The following ABHD17A variants were observed in gnomAD, a reference collection of about 807,000 sequenced individuals.
ABHD17A encodes the protein alpha/beta hydrolase domain-containing protein 17A.
In ABHD17A, 10 loss-of-function variants were observed where a neutral mutation model predicts 26.8. That is an observed-to-expected ratio of 0.37 (90% confidence interval 0.23 to 0.63). The LOEUF is 0.63. Ranked by LOEUF, ABHD17A falls within the 30% of genes least tolerant of loss-of-function variation. ABHD17A has a pLI of 0.61. For missense variants in ABHD17A, 292 were observed against 457.3 expected (o/e 0.64, Z 3.30); for synonymous variants, 167 against 210.9 (o/e 0.79, Z 1.80).
rs553702828 is a variant in ABHD17A at position 1,881,710 on chromosome 19, C to T, written c.-144G>A. ...CCCAGCTACCGCCCCAGACAGCAGC[C>T]CCGTTAGGAGGCCAGGGCCCAGCCC... On this transcript the variant is annotated 5_prime_UTR_variant, in exon 2 of 5. Transcript: ENST00000292577. 1.3e-5 allele frequency: 16 copies of T among 1,234,702 alleles called. No individual in the cohort carries two copies. Among genetic ancestry groups the T allele is most frequent in the Middle Eastern group, 2.9e-4 (1 of 3,410 alleles). 76.5% of individuals were successfully genotyped at this position (1,234,702 alleles called of 1,614,324 possible). A position where few individuals can be genotyped will look rare whatever the true frequency, so the allele number is the denominator to read the frequency against.
chr19:1,878,441 A>G (rs2012433918), intron 3 of ABHD17A: 1 of 152,704 alleles, frequency 6.5e-6, no homozygotes, highest in Non-Finnish European at 1.5e-5. Flanking sequence ...CCTCGTGCCC[A>G]GTCCCAAGCA....
chr19:1,877,112 G>A lies in ABHD17A; in HGVS notation c.*88C>T, dbSNP rs1413948906. On this transcript the variant is annotated 3_prime_UTR_variant, in exon 5 of 5. Transcript: ENST00000292577. ...CGGGGTCCCCTGGGCCGCCCGGGGG[G>A]TCCACATGCAGCCCCTGGGTGGGGG... is the stretch of plus-strand genomic sequence containing the variant. 2.8e-4 allele frequency: 367 copies of A among 1,328,552 alleles called. No individual in the cohort carries two copies. The highest frequency in any genetic ancestry group is 3.5e-4 in the Non-Finnish European group (346 of 977,570). The allele number at this position is 1,328,552 out of a possible 1,614,324, so 82.3% of individuals were successfully genotyped here.
At position 1,877,321 on chromosome 19, in the gene ABHD17A, G is replaced by A. The variant is rs2012389127; in HGVS notation, c.812C>T (p.Pro271Leu). 1 of 1,532,338 alleles carries A rather than the reference G, an allele frequency of 6.5e-7. No homozygotes were observed. The highest frequency in any genetic ancestry group is 1.4e-5 in the African/African-American group (1 of 73,156). 94.9% of individuals were successfully genotyped at this position (1,532,338 alleles called of 1,614,324 possible). A position where few individuals can be genotyped will look rare whatever the true frequency, so the allele number is the denominator to read the frequency against. Residue 271 changes from proline to leucine, a missense_variant, in exon 5 of 5, where the codon CCC (proline) becomes CTC (leucine). Around this residue, in one of 4 missense-constraint regions of ABHD17A, gnomAD observed 88 missense variants for 134.3 expected, o/e 0.66. Coordinates refer to ENST00000292577, the MANE Select transcript of ABHD17A (RefSeq NM_001130111.2). Reference protein sequence around the residue: ...SHGLALYERCPKAVEPLWVEG... With the variant: ...SHGLALYERCLKAVEPLWVEG... ...CACCCACAGCGGCTCCACCGCCTTG[G>A]GGCAGCGCTCGTAGAGCGCCAGCCC... is the stretch of plus-strand genomic sequence containing the variant.
In ABHD17A at chr19:1,877,035, A is replaced by T; in HGVS notation, c.*165T>A. 1 of 585,336 alleles carries T rather than the reference A, an allele frequency of 1.7e-6. No individual in the cohort carries two copies. The highest frequency in any genetic ancestry group is 3.1e-5 in the Admixed American group (1 of 32,628). 36.3% of individuals were successfully genotyped at this position (585,336 alleles called of 1,614,324 possible). On this transcript the variant is annotated 3_prime_UTR_variant, in exon 5 of 5. Transcript: ENST00000292577. ...ATTTTCTTCTTGCTTCCAAAAGGAA[A>T]GGAGTGCGTAGCTCTGTTGCCTGTA...
chr19:1,881,460 G>C lies in ABHD17A; in HGVS notation c.107C>G (p.Ser36Cys), dbSNP rs562946474. ...CCCCGGCTCGGGCTCAGGCACCAGGGAGTAGGTGGCCTCCGGCGGCAGGAA... is the reference window on the plus strand; with the variant it reads ...CCCCGGCTCGGGCTCAGGCACCAGGCAGTAGGTGGCCTCCGGCGGCAGGAA... The part of the protein sequence containing the change: ...LAFLPPEATY[S>C]LVPEPEPGPG... The change falls in exon 2 of 5, where the codon TCC becomes TGC. Residue 36 changes from serine to cysteine, a missense_variant. Ser to Cys is a moderately radical substitution (Grantham distance 112, BLOSUM62 -1). This residue lies in a region of ABHD17A where 171 missense variants were observed against 216.1 expected (regional missense o/e 0.79). Coordinates refer to ENST00000292577, the MANE Select transcript of ABHD17A (RefSeq NM_001130111.2). The C allele has an allele frequency of 5.0e-6, 8 of 1,602,464 alleles. No homozygotes were observed. The highest frequency in any genetic ancestry group is 6.8e-6 in the Non-Finnish European group (8 of 1,178,186).
In ABHD17A at chr19:1,880,016, G is replaced by C; in HGVS notation, c.432C>G (p.Ser144=). Residue 144 remains serine, a synonymous_variant, in exon 3 of 5, where the codon TCC becomes TCG. Transcript: ENST00000292577. This position sits in a 1 kb window ranked among gnomAD's most constrained non-coding sequence, Gnocchi z 4.1. Reference sequence around the variant, plus strand: ...TGGCACCGTAGCCGGAGTAGTCGTAGGAGAAGATGTTGCAGTGGAGGCGGG... The same window carrying C: ...TGGCACCGTAGCCGGAGTAGTCGTACGAGAAGATGTTGCAGTGGAGGCGGG... ...LGSRLHCNIF[S]YDYSGYGASS... 1 of 1,613,270 alleles carries C rather than the reference G, an allele frequency of 6.2e-7. No individual in the cohort carries two copies. Among genetic ancestry groups the C allele is most frequent in the African/African-American group, 1.3e-5 (1 of 75,080 alleles).
rs368760498 is a variant in ABHD17A at position 1,881,510 on chromosome 19, G to A, written c.57C>T (p.Pro19=). 84 of 1,603,948 alleles carry A rather than the reference G, an allele frequency of 5.2e-5. No individual in the cohort carries two copies. The highest frequency in any genetic ancestry group is 6.7e-5 in the East Asian group (3 of 44,816). The change falls in exon 2 of 5, where the codon CCC becomes CCT. Residue 19 remains proline (P), a synonymous_variant. Coordinates refer to ENST00000292577, the MANE Select transcript of ABHD17A (RefSeq NM_001130111.2). ...AGGCGAGCTTGGCAGCGATGCGGCC[G>A]GGGCAGGGCGGGCAGCAGAAGAGGC... ...LCCLFCCPPC[P]GRIAAKLAFL...
rs1164295463 is a variant in ABHD17A, at chr19:1,877,349, G to T, written c.784C>A (p.His262Asn). 2.6e-6 allele frequency: 4 copies of T among 1,541,678 alleles called. No individual in the cohort carries two copies. In the South Asian group the frequency reaches 4.7e-5, roughly 18 times the overall value. The part of the protein sequence containing the change: ...GTEDEVIDFS[H>N]GLALYERCPK... ...CAGCGCTCGTAGAGCGCCAGCCCGTGCGAGAAGTCGATCACCTCGTCCTCC... is the reference window on the plus strand; with the variant it reads ...CAGCGCTCGTAGAGCGCCAGCCCGTTCGAGAAGTCGATCACCTCGTCCTCC... Residue 262 changes from histidine to asparagine, a missense_variant, in exon 5 of 5, where the codon CAC (histidine) becomes AAC (asparagine). Coordinates refer to ENST00000292577, the MANE Select transcript of ABHD17A (RefSeq NM_001130111.2).
chr19:1,880,845 GC>G lies in ABHD17A; in HGVS notation c.332+389del. On this transcript the variant is annotated intron_variant, in intron 2 of 4. Transcript: ENST00000292577. The surrounding 1 kb of genome is among the most constrained non-coding windows in gnomAD (Gnocchi z 4.1). ...TTCCCCCAGGCCCCCACCTAGCCCA[GC>G]CAGAAGGTAAAGGCTCGCCCTCTGG... 6.2e-7 allele frequency: 1 copy of G among 1,607,218 alleles called. No homozygotes were observed. The highest frequency in any genetic ancestry group is 8.5e-7 in the Non-Finnish European group (1 of 1,176,134).
In ABHD17A at chr19:1,877,118, A is replaced by C. The variant is rs1056494685; in HGVS notation, c.*82T>G. ...CCCCTGGGCCGCCCGGGGGGTCCAC[A>C]TGCAGCCCCTGGGTGGGGGCCGGCG... On this transcript the variant is annotated 3_prime_UTR_variant, in exon 5 of 5. Transcript: ENST00000292577. The C allele has an allele frequency of 2.6e-5, 36 of 1,391,432 alleles. No individual in the cohort carries two copies. The African/African-American group carries it at 3.4e-4, about 13-fold the overall frequency. 86.2% of individuals were successfully genotyped at this position (1,391,432 alleles called of 1,614,324 possible).
In ABHD17A at chr19:1,880,161, C is replaced by G. The variant is rs750179630; in HGVS notation, c.333-46G>C. ...CCGTTCACATCCTCGCTCCCAGCGCCCAGCTGCAGGGCAGGAGGATGCGTA... is the reference window on the plus strand; with the variant it reads ...CCGTTCACATCCTCGCTCCCAGCGCGCAGCTGCAGGGCAGGAGGATGCGTA... On this transcript the variant is annotated intron_variant, in intron 2 of 4. Coordinates refer to ENST00000292577, the MANE Select transcript of ABHD17A (RefSeq NM_001130111.2). The surrounding 1 kb of genome is among the most constrained non-coding windows in gnomAD (Gnocchi z 4.1). The G allele has an allele frequency of 3.1e-6, 5 of 1,603,400 alleles. No homozygotes were observed. The highest frequency in any genetic ancestry group is 3.4e-6 in the Non-Finnish European group (4 of 1,174,252).
chr19:1,877,911 C>A (rs891995077), intron 3 of ABHD17A: 45 of 546,214 alleles, frequency 8.2e-5, no homozygotes, highest in Non-Finnish European at 1.4e-4. Flanking sequence ...CCTGCGCTGC[C>A]GTTCACTGGC....
chr19:1,882,996 C>T (rs1422166657), intron 1 of ABHD17A: 1 of 152,194 alleles, frequency 6.6e-6, no homozygotes, highest in Non-Finnish European at 1.5e-5. Context: ...ACCCTCACTA[C>T]CAAGGAGCAG....
rs534780132 is a variant in ABHD17A, at chr19:1,880,342, G to T, written c.333-227C>A. Among the ~76,000 whole-genome samples the T allele has an allele frequency of 6.6e-6, 1 of 152,312 alleles. No homozygotes were observed. Among genetic ancestry groups the T allele is most frequent in the East Asian group, 1.9e-4 (1 of 5,176 alleles). On this transcript the variant is annotated intron_variant, in intron 2 of 4. Transcript: ENST00000292577. This position sits in a 1 kb window ranked among gnomAD's most constrained non-coding sequence, Gnocchi z 4.1. Reference sequence around the variant, plus strand: ...GAGAGGACAGGACAGCTGGCAGGGGGACAGGCAGCCTGGGCTGCAGAGGCC... The same window carrying T: ...GAGAGGACAGGACAGCTGGCAGGGGTACAGGCAGCCTGGGCTGCAGAGGCC...
rs1363457380 is a variant in ABHD17A, at chr19:1,881,264, G to A, written c.303C>T (p.Cys101=). 9.3e-6 allele frequency: 15 copies of A among 1,611,042 alleles called. No homozygotes were observed. Among genetic ancestry groups the A allele is most frequent in the Non-Finnish European group, 1.3e-5 (15 of 1,179,738 alleles). The change falls in exon 2 of 5, where the codon TGC becomes TGT. Residue 101 remains cysteine, a synonymous_variant. Transcript: ENST00000292577. ...TKSARGNRVS[C]MYVRCVPGAR... is the part of the protein sequence containing the mutation. ...CACCAGGCACGCAGCGAACATACATGCAGGAGACGCGGTTGCCGCGGGCGC... is the reference window on the plus strand; with the variant it reads ...CACCAGGCACGCAGCGAACATACATACAGGAGACGCGGTTGCCGCGGGCGC...
intron 1 of ABHD17A, chr19:1,882,382 G>A (rs1036475876): frequency 1.3e-5 from 2 of 152,332 alleles, no homozygotes; most frequent in African/African-American, 4.8e-5. Context: ...ACAAAGGCAG[G>A]ATACATCCCA....
chr19:1,879,219 G>A lies in ABHD17A; in HGVS notation c.527+702C>T, dbSNP rs1050761814. ...CCTGTGGGAGCAGGTCAGACCAGTG[G>A]GCTGGGCAGGGCCAGGACGAGACAG... is the stretch of plus-strand genomic sequence containing the variant. On this transcript the variant is annotated intron_variant, in intron 3 of 4. Transcript: ENST00000292577. The surrounding 1 kb of genome is among the most constrained non-coding windows in gnomAD (Gnocchi z 7.6). 3 of 155,092 alleles carry A rather than the reference G, an allele frequency of 1.9e-5. No homozygotes were observed. The highest frequency in any genetic ancestry group is 7.2e-5 in the African/African-American group (3 of 41,452). 9.6% of individuals were successfully genotyped at this position (155,092 alleles called of 1,614,324 possible). A position where few individuals can be genotyped will look rare whatever the true frequency, so the allele number is the denominator to read the frequency against.
At position 1,880,832 on chromosome 19, in the gene ABHD17A, C is replaced by T. The variant is rs2012501267; in HGVS notation, c.332+403G>A. ...CTGCTTCCTCCAGTTCCCCCAGGCC[C>T]CCACCTAGCCCAGCCAGAAGGTAAA... On this transcript the variant is annotated intron_variant, in intron 2 of 4. Transcript: ENST00000292577. This position sits in a 1 kb window ranked among gnomAD's most constrained non-coding sequence, Gnocchi z 4.1. 2.5e-6 allele frequency: 4 copies of T among 1,596,248 alleles called. No homozygotes were observed. Among genetic ancestry groups the T allele is most frequent in the Middle Eastern group, 1.7e-4 (1 of 5,978 alleles).
At position 1,877,065 on chromosome 19, in the gene ABHD17A, G is replaced by C; in HGVS notation, c.*135C>G. 4 of 630,464 alleles carry C rather than the reference G, an allele frequency of 6.3e-6. No homozygotes were observed. Among genetic ancestry groups the C allele is most frequent in the South Asian group, 3.9e-5 (2 of 51,428 alleles). 39.1% of individuals were successfully genotyped at this position (630,464 alleles called of 1,614,324 possible). On this transcript the variant is annotated 3_prime_UTR_variant, in exon 5 of 5. Transcript: ENST00000292577. ...TGCGTAGCTCTGTTGCCTGTACATC[G>C]TCCACAGCCCCTGGGTCGGGGCGGG...
Sources: gnomAD v4.1 joint callset for allele counts (sites outside exome capture counted in the v4.1 genomes callset) on GRCh38, gnomAD v4.1.1 for gene constraint, gnomAD v4.1.1 regional missense constraint, Gnocchi (gnomAD v3.1) non-coding constraint, MANE v1.5 for transcripts, NCBI Gene and HGNC (gene_info 2026-07-23, HGNC 2026-07-21) for gene names.